AGRN: variants seen among roughly 807,000 people sequenced by gnomAD.
AGRN encodes the protein agrin, also known as agrin proteoglycan.
A neutral mutation model predicts 211.0 loss-of-function variants in AGRN; 106 were observed. That is an observed-to-expected ratio of 0.50 (90% CI 0.43 to 0.59). The LOEUF is 0.59. AGRN is among the 20% of genes least tolerant of loss of function. AGRN has a pLI of 0.00. For synonymous variants in AGRN, 1,525 were observed against 1,332.5 expected, an observed-to-expected ratio of 1.14 and a Z score of -3.15; for missense variants, 3,040 against 2,982.6, an observed-to-expected ratio of 1.02 and a Z score of -0.45.
At position 1,040,260 on chromosome 1, in the gene AGRN, A is replaced by T. The variant is rs551315345; in HGVS notation, c.512-405A>T. Among the ~76,000 whole-genome samples the T allele has an allele frequency of 4.6e-5, 7 of 152,312 alleles. 1 individual carries two copies. In the South Asian group the frequency reaches 1.2e-3, roughly 27 times the overall value. ...GCCGATGTGGAAGGAGCTCCTGAGC[A>T]GAACTGGGGCCTGGACTGCTTGTGC... On this transcript the variant is annotated intron_variant, in intron 3 of 35. Coordinates refer to ENST00000379370, the MANE Select transcript of AGRN (RefSeq NM_198576.4).
At chr1:1,053,267 C>T (rs188938351) in intron 33 of AGRN, 4 of 393,030 alleles carry the variant, frequency 1.0e-5, no homozygotes, top group Admixed American at 8.6e-5. Context: ...GGTGTCTGCA[C>T]CCTCACGTGT....
chr1:1,048,005 C>A lies in AGRN; in HGVS notation c.3752-7C>A. ...CAGGAAACCCTAACAGCTCCCTGTG[C>A]CGGCAGACTGGTTTCCTGCGTTTAT... On this transcript the variant is annotated splice_region_variant and splice_polypyrimidine_tract_variant and intron_variant, in intron 22 of 35. Transcript: ENST00000379370. This position sits in a 1 kb window ranked among gnomAD's most constrained non-coding sequence, Gnocchi z 5.9. 1.3e-6 allele frequency: 2 copies of A among 1,576,098 alleles called. No homozygotes were observed. Among genetic ancestry groups the A allele is most frequent in the Non-Finnish European group, 1.7e-6 (2 of 1,163,146 alleles).
At chr1:1,033,755 C>T (rs1644729885) in intron 2 of AGRN, among the ~76,000 whole-genome samples, 1 of 142,730 alleles carries the variant, frequency 7.0e-6, no homozygotes, top group East Asian at 2.1e-4. Context: ...CCAGCCTCAG[C>T]CACCCCAGCC....
At chr1:1,021,476 C>A (rs1432362114) in intron 1 of AGRN, among the ~76,000 whole-genome samples, 1 of 152,238 alleles carries the variant, frequency 6.6e-6, no homozygotes, top group Non-Finnish European at 1.5e-5. Flanking sequence ...CATTGTCTCT[C>A]CCCCCATCCG....
rs1240297876 is a variant in AGRN, at chr1:1,051,285, G to A, written c.5286G>A (p.Pro1762=). 8.9e-6 allele frequency: 14 copies of A among 1,577,202 alleles called. No individual in the cohort carries two copies. Among genetic ancestry groups the A allele is most frequent in the African/African-American group, 4.0e-5 (3 of 74,266 alleles). Residue 1762 remains proline (P), a synonymous_variant, in exon 31 of 36, where the codon CCG becomes CCA. Transcript: ENST00000379370. ...VPHTVLNLKE[P]LYVGGAPDFS... ...ACACCGTCCTCAACCTGAAGGAGCC[G>A]CTCTACGTAGGGGGCGCTCCCGACT...
At chr1:1,020,963 G>A (rs781726924) in intron 1 of AGRN, among the ~76,000 whole-genome samples, 6 of 151,402 alleles carry the variant, frequency 4.0e-5, no homozygotes, top group Non-Finnish European at 8.8e-5. Context: ...TCCCCACCCC[G>A]GGGAGGGGAA....
intron 34 of AGRN, 120 bp downstream of exon 34, chr1:1,054,097 C>G: frequency 9.0e-7 from 1 of 1,105,274 alleles, no homozygotes. Flanking sequence ...CTGCCTGAGC[C>G]GAGGTCACTG....
intron 19 of AGRN, 26 bp downstream of exon 19, chr1:1,046,983 G>A: frequency 6.4e-7 from 1 of 1,565,586 alleles, no homozygotes; most frequent in Non-Finnish European, 8.6e-7. Context: ...GGCGAGGGGA[G>A]TGTGAGGATA....
Position 1,048,700 on chromosome 1 carries a change from G to A in AGRN, c.4106-167G>A, listed in dbSNP as rs1645173911. The A allele has an allele frequency of 2.5e-6, 2 of 809,056 alleles. No homozygotes were observed. Among genetic ancestry groups the A allele is most frequent in the African/African-American group, 3.6e-5 (2 of 55,206 alleles). The allele number at this position is 809,056 out of a possible 1,614,324, so 50.1% of individuals were successfully genotyped here. On this transcript the variant is annotated intron_variant, in intron 23 of 35. Transcript: ENST00000379370. This position sits in a 1 kb window ranked among gnomAD's most constrained non-coding sequence, Gnocchi z 5.9. ...GAGAATCGCTTGAACCTGGCAGGCG[G>A]AGGTTGCGGTGAGCCAGGATCGCGC...
chr1:1,024,452 C>G (rs538273532), intron 2 of AGRN, among the ~76,000 whole-genome samples: 1 of 152,168 alleles, frequency 6.6e-6, no homozygotes, highest in South Asian at 2.1e-4. Context: ...GACCTCTCCC[C>G]ATCTGACTCC....
rs1479489174 is a variant in AGRN, at chr1:1,022,408, A to G, written c.409A>G (p.Ser137Gly). Residue 137 changes from serine to glycine, a missense_variant, in exon 2 of 36, where the codon AGC (serine) becomes GGC (glycine). This residue lies in a region of AGRN where 1,498 missense variants were observed against 1,457.8 expected (regional missense o/e 1.03). Coordinates refer to ENST00000379370, the MANE Select transcript of AGRN (RefSeq NM_198576.4). ...AHKNELMLNS[S>G]LMRITLRNLE... Reference sequence around the variant, plus strand: ...CAAGAACGAGCTGATGCTCAACTCCAGCCTCATGCGGATCACCCTGCGGAA... The same window carrying G: ...CAAGAACGAGCTGATGCTCAACTCCGGCCTCATGCGGATCACCCTGCGGAA... 6.2e-7 allele frequency: 1 copy of G among 1,613,206 alleles called. No individual in the cohort carries two copies.
At chr1:1,026,843 C>T (rs976466967) in intron 2 of AGRN, among the ~76,000 whole-genome samples, 2 of 152,192 alleles carry the variant, frequency 1.3e-5, no homozygotes, top group South Asian at 2.1e-4. Context: ...GACAGTCGCC[C>T]GCTGGAGGAG....
At chr1:1,037,686 C>T (rs908166361) in intron 3 of AGRN, among the ~76,000 whole-genome samples, 3 of 152,294 alleles carry the variant, frequency 2.0e-5, no homozygotes, top group Middle Eastern at 3.4e-3. Flanking sequence ...ACAGGGCTCT[C>T]AGGGTCCTAG....
chr1:1,029,690 G>T lies in AGRN; in HGVS notation c.464-5587G>T, dbSNP rs1420292926. Among the ~76,000 whole-genome samples the T allele has an allele frequency of 3.0e-5, 3 of 99,038 alleles. 1 individual carries two copies. The highest frequency in any genetic ancestry group is 1.0e-4 in the African/African-American group (3 of 28,658). The allele number at this position is 99,038 out of a possible 152,430, so 65.0% of individuals were successfully genotyped here. A position where few individuals can be genotyped will look rare whatever the true frequency, so the allele number is the denominator to read the frequency against. On this transcript the variant is annotated intron_variant, in intron 2 of 35. Transcript: ENST00000379370. Reference sequence around the variant, plus strand: ...ATCAGCATGTGTGTGTGTGTGTGCAGTGCATGGTGCTGTGAGATCATGTGT... The same window carrying T: ...ATCAGCATGTGTGTGTGTGTGTGCATTGCATGGTGCTGTGAGATCATGTGT...
Position 1,055,334 on chromosome 1 carries a change from C to A in AGRN, c.*353C>A, listed in dbSNP as rs1014891080. Reference sequence around the variant, plus strand: ...GACTCGTGTCCCAGAGAGGAAGGGGCTGCTGAGGTCTGATGGGGCCCTTCC... The same window carrying A: ...GACTCGTGTCCCAGAGAGGAAGGGGATGCTGAGGTCTGATGGGGCCCTTCC... On this transcript the variant is annotated 3_prime_UTR_variant, in exon 36 of 36. Transcript: ENST00000379370. 128 of 381,020 alleles carry A rather than the reference C, an allele frequency of 3.4e-4. No homozygotes were observed. Among genetic ancestry groups the A allele is most frequent in the Non-Finnish European group, 5.3e-4 (105 of 196,912 alleles). The allele number at this position is 381,020 out of a possible 1,614,324, so 23.6% of individuals were successfully genotyped here.
At chr1:1,037,595 C>T (rs1034276633) in intron 3 of AGRN, among the ~76,000 whole-genome samples, 1 of 151,166 alleles carries the variant, frequency 6.6e-6, no homozygotes, top group East Asian at 2.0e-4. Context: ...GTGGGGAGGC[C>T]GAGTGGCCGG....
chr1:1,039,094 G>T (rs1248288054), intron 3 of AGRN, among the ~76,000 whole-genome samples: 6 of 152,196 alleles, frequency 3.9e-5, no homozygotes, highest in African/African-American at 1.4e-4. Flanking sequence ...TCACCGAAGG[G>T]GATACTGAGG....
At position 1,049,448 on chromosome 1, in the gene AGRN, C is replaced by A. The variant is rs1295621066; in HGVS notation, c.4511C>A (p.Ala1504Asp). The change falls in exon 25 of 36, where the codon GCC becomes GAC. Residue 1504 changes from alanine (A) to aspartate (D), a missense_variant. By Grantham distance (126) the Ala-to-Asp change is moderately radical. Around this residue, in one of 3 missense-constraint regions of AGRN, gnomAD observed 1,537 missense variants for 1,505.0 expected, o/e 1.02. Transcript: ENST00000379370. ...FVGGVPEDQA[A>D]VALERTFVGA... ...GGCGGCGTACCCGAGGACCAGGCTG[C>A]CGTGTGAGTCCCTTGGAGGGTGGTG... 6.3e-7 allele frequency: 1 copy of A among 1,599,842 alleles called. No individual in the cohort carries two copies. The highest frequency in any genetic ancestry group is 1.7e-5 in the Admixed American group (1 of 59,992).
Position 1,048,162 on chromosome 1 carries a change from C to G in AGRN, c.3902C>G (p.Thr1301Ser), listed in dbSNP as rs921969333. The change falls in exon 23 of 36, where the codon ACC (threonine) becomes AGC (serine). Residue 1301 changes from threonine to serine, a missense_variant. Thr to Ser is a moderately conservative substitution (Grantham distance 58, BLOSUM62 1). Around this residue, in one of 3 missense-constraint regions of AGRN, gnomAD observed 1,537 missense variants for 1,505.0 expected, o/e 1.02. Coordinates refer to ENST00000379370, the MANE Select transcript of AGRN (RefSeq NM_198576.4). The surrounding 1 kb of genome is among the most constrained non-coding windows in gnomAD (Gnocchi z 5.9). ...PSHTSQPVAK[T>S]TAAPTTRRPP... ...CACACAAGCCAGCCCGTTGCCAAGA[C>G]CACGGCAGCCCCCACCACACGTCGG... The G allele has an allele frequency of 6.3e-7, 1 of 1,580,196 alleles. No individual in the cohort carries two copies. The highest frequency in any genetic ancestry group is 8.6e-7 in the Non-Finnish European group (1 of 1,169,482).
Sources: gnomAD v4.1 joint callset for allele counts (sites outside exome capture counted in the v4.1 genomes callset) on GRCh38, gnomAD v4.1.1 for gene constraint, gnomAD v4.1.1 regional missense constraint, Gnocchi (gnomAD v3.1) non-coding constraint, MANE v1.5 for transcripts, NCBI Gene and HGNC (gene_info 2026-07-23, HGNC 2026-07-21) for gene names.